The following COL3A1 variants were observed in gnomAD, a reference collection of about 807,000 sequenced individuals.
COL3A1 encodes the protein collagen type III alpha 1 chain.
In COL3A1, 46 loss-of-function variants were observed where a neutral mutation model predicts 200.9. The ratio of observed to expected loss-of-function variants is 0.23; its 90% confidence interval spans 0.18 to 0.29. The LOEUF is 0.29. Among genes scored for constraint, COL3A1 ranks in the 10% least tolerant of loss-of-function variants. COL3A1 has a pLI of 1.00. For missense variants in COL3A1, 1,367 were observed against 1,917.6 expected, an observed-to-expected ratio of 0.71 and a Z score of 5.36; for synonymous variants, 650 against 628.0, an observed-to-expected ratio of 1.03 and a Z score of -0.52.
At position 188,996,192 on chromosome 2, in the gene COL3A1, T is replaced by A. The variant is rs910613076; in HGVS notation, c.1662+14T>A. 6.2e-7 allele frequency: 1 copy of A among 1,612,238 alleles called. No homozygotes were observed. Among genetic ancestry groups the A allele is most frequent in the Non-Finnish European group, 8.5e-7 (1 of 1,178,696 alleles). On this transcript the variant is annotated intron_variant, in intron 23 of 50. Transcript: ENST00000304636. ...CCAGGGCCTCCCGTATGTACATTTT[T>A]AAAATCTCATTTTAAAAGGCCAGTT...
At chr2:188,978,132 C>G (rs1383107837) in intron 1 of COL3A1, 2 of 314,304 alleles carry the variant, frequency 6.4e-6, no homozygotes, top group South Asian at 2.6e-5. Context: ...GTTGAATACT[C>G]TTTAAGTGAT....
At chr2:188,979,633 C>T (rs1247474293) in intron 1 of COL3A1, among the ~76,000 whole-genome samples, 1 of 151,618 alleles carries the variant, frequency 6.6e-6, no homozygotes, top group East Asian at 1.9e-4. Context: ...TGGCATCTTC[C>T]TGTTTTGAGG....
intron 5 of COL3A1, among the ~76,000 whole-genome samples, chr2:188,987,428 A>G (rs1247075640): frequency 6.6e-6 from 1 of 152,088 alleles, no homozygotes; most frequent in Non-Finnish European, 1.5e-5. Context: ...GAAATATACA[A>G]ACTATTGTTT....
chr2:188,985,634 A>G, intron 3 of COL3A1, 31 bp from the exon 4 acceptor site: 12 of 1,415,672 alleles, frequency 8.5e-6, no homozygotes, highest in Non-Finnish European at 1.2e-5. Flanking sequence ...AGGATTTTTC[A>G]CTATTTAATT....
Position 188,999,363 on chromosome 2 carries a change from C to G in COL3A1, c.2101C>G (p.Pro701Ala), listed in dbSNP as rs762687549. The G allele has an allele frequency of 1.9e-5, 30 of 1,605,172 alleles. No individual in the cohort carries two copies. Among genetic ancestry groups the G allele is most frequent in the Non-Finnish European group, 2.6e-5 (30 of 1,175,658 alleles). ...APGLRGGAGP[P>A]GPEGGKGAAG... ...AGGACTTAGAGGTGGAGCTGGTCCC[C>G]CTGGTCCCGAAGGAGGAAAGGTAAC... Residue 701 changes from proline to alanine, a missense_variant, in exon 30 of 51, where the codon CCT becomes GCT. This residue lies in a region of COL3A1 where 846 missense variants were observed against 1,147.9 expected (regional missense o/e 0.74). Transcript: ENST00000304636.
intron 40 of COL3A1, among the ~76,000 whole-genome samples, chr2:189,004,675 AG>A (rs1688549652): frequency 6.6e-6 from 1 of 152,152 alleles, no homozygotes; most frequent in South Asian, 2.1e-4. Context: ...TCAGTTTTGA[AG>A]GGGGAAATAG....
intron 36 of COL3A1, 113 bp from the exon 37 acceptor site, chr2:189,003,298 T>C: frequency 1.1e-6 from 1 of 912,768 alleles, no homozygotes; most frequent in Non-Finnish European, 1.8e-6. Context: ...GCACCAGCAA[T>C]CTAAAAGTTA....
Position 189,010,308 on chromosome 2 carries a change from T to G in COL3A1, c.3954T>G (p.Asp1318Glu). 1 of 1,614,180 alleles carries G rather than the reference T, an allele frequency of 6.2e-7. No individual in the cohort carries two copies. The highest frequency in any genetic ancestry group is 8.5e-7 in the Non-Finnish European group (1 of 1,180,012). ...TTCCACGGAAACACTGGTGGACAGA[T>G]TCTAGTGCTGAGAAGAAACACGTTT... is the stretch of plus-strand genomic sequence containing the variant. ...LNVPRKHWWT[D>E]SSAEKKHVWF... is the part of the protein sequence containing the mutation. Residue 1318 changes from aspartate to glutamate, a missense_variant, in exon 49 of 51, where the codon GAT (aspartate) becomes GAG (glutamate). Coordinates refer to ENST00000304636, the MANE Select transcript of COL3A1 (RefSeq NM_000090.4).
At position 189,011,531 on chromosome 2, in the gene COL3A1, CT is replaced by C. The variant is rs1688725448; in HGVS notation, c.4255-95del. The C allele has an allele frequency of 6.4e-6, 9 of 1,401,592 alleles. No homozygotes were observed. In the Admixed American group the frequency reaches 1.5e-4, roughly 24 times the overall value. The allele number at this position is 1,401,592 out of a possible 1,614,324, so 86.8% of individuals were successfully genotyped here. A position where few individuals can be genotyped will look rare whatever the true frequency, so the allele number is the denominator to read the frequency against. On this transcript the variant is annotated intron_variant, in intron 50 of 50. Transcript: ENST00000304636. Reference sequence around the variant, plus strand: ...GAATAATAACATGGCACGATGAATGCTTCTTTAGAGTAAAAAGGTTTTCTTT... The same window carrying C: ...GAATAATAACATGGCACGATGAATGCTCTTTAGAGTAAAAAGGTTTTCTTT...
Position 188,994,750 on chromosome 2 carries a change from A to G in COL3A1, c.1374A>G (p.Pro458=). 1 of 1,613,276 alleles carries G rather than the reference A, an allele frequency of 6.2e-7. No individual in the cohort carries two copies. The highest frequency in any genetic ancestry group is 1.1e-5 in the South Asian group (1 of 91,038). Residue 458 remains proline (P), a synonymous_variant, in exon 20 of 51, where the codon CCA becomes CCG. Transcript: ENST00000304636. This position sits in a 1 kb window ranked among gnomAD's most constrained non-coding sequence, Gnocchi z 4.5. ...ERGEAGIPGV[P]GAKGEDGKDG... ...GTGAGGCTGGTATTCCAGGTGTTCC[A>G]GGAGCTAAAGGCGAAGATGGCAAGG...
At chr2:188,997,442 G>A (rs1688354632) in intron 26 of COL3A1, 53 bp downstream of exon 26, 4 of 1,538,848 alleles carry the variant, frequency 2.6e-6, no homozygotes, top group African/African-American at 1.4e-5. Context: ...GGTGGGGCAG[G>A]AAGAATGCTT....
rs1320290056 is a variant in COL3A1, at chr2:188,979,429, T to C, written c.79+4861T>C. Among the ~76,000 whole-genome samples, 3 of 151,940 alleles carry C rather than the reference T, an allele frequency of 2.0e-5. No homozygotes were observed. The East Asian group carries it at 5.8e-4, about 29-fold the overall frequency. On this transcript the variant is annotated intron_variant, in intron 1 of 50. Transcript: ENST00000304636. ...AGACATCTTAAACATATTTTTGCATTGGATGCAGAAGTCTTTTCTGTCTGG... is the reference window on the plus strand; with the variant it reads ...AGACATCTTAAACATATTTTTGCATCGGATGCAGAAGTCTTTTCTGTCTGG...
Position 188,990,072 on chromosome 2 carries a change from C to T in COL3A1, c.691-24C>T, listed in dbSNP as rs199531857. ...GTATTTTCTCATACATGAGCACCTA[C>T]GTATTCTTTATTTCTCTACCTAGGG... On this transcript the variant is annotated intron_variant, in intron 8 of 50. Coordinates refer to ENST00000304636, the MANE Select transcript of COL3A1 (RefSeq NM_000090.4). The T allele has an allele frequency of 1.2e-4, 197 of 1,608,844 alleles. 1 individual carries two copies. In the Middle Eastern group the frequency reaches 5.8e-3, roughly 47 times the overall value.
rs911481819 is a variant in COL3A1 at position 188,998,863 on chromosome 2, A to G, written c.2022+145A>G. 8 of 807,264 alleles carry G rather than the reference A, an allele frequency of 9.9e-6. No homozygotes were observed. The African/African-American group carries it at 1.2e-4, about 12-fold the overall frequency. 50.0% of individuals were successfully genotyped at this position (807,264 alleles called of 1,614,324 possible). Reference sequence around the variant, plus strand: ...TTGGTAAGTACACTTAGAGAAACTCAAGACACTTTCAATACATTAAATTTG... The same window carrying G: ...TTGGTAAGTACACTTAGAGAAACTCGAGACACTTTCAATACATTAAATTTG... On this transcript the variant is annotated intron_variant, in intron 29 of 50. Coordinates refer to ENST00000304636, the MANE Select transcript of COL3A1 (RefSeq NM_000090.4).
chr2:188,976,112 C>T (rs1467229030), intron 1 of COL3A1, among the ~76,000 whole-genome samples: 2 of 152,022 alleles, frequency 1.3e-5, no homozygotes, highest in African/African-American at 4.8e-5. Context: ...GATGCTACAA[C>T]TCACAGTCCT....
rs373163370 is a variant in COL3A1 at position 188,993,054 on chromosome 2, A to G, written c.1050+114A>G. ...TCAGTCAAATGGATAGCTTTTATCTATACATGTCTTTAAAGCCCTATTCTT... is the reference window on the plus strand; with the variant it reads ...TCAGTCAAATGGATAGCTTTTATCTGTACATGTCTTTAAAGCCCTATTCTT... On this transcript the variant is annotated intron_variant, in intron 15 of 50. Coordinates refer to ENST00000304636, the MANE Select transcript of COL3A1 (RefSeq NM_000090.4). The G allele has an allele frequency of 4.3e-5, 41 of 955,318 alleles. 1 individual carries two copies. Among genetic ancestry groups the G allele is most frequent in the East Asian group, 1.9e-4 (8 of 41,454 alleles). The allele number at this position is 955,318 out of a possible 1,614,324, so 59.2% of individuals were successfully genotyped here.
In COL3A1 at chr2:188,989,438, G is replaced by T; in HGVS notation, c.679G>T (p.Ala227Ser). 1.9e-6 allele frequency: 3 copies of T among 1,607,342 alleles called. No homozygotes were observed. The highest frequency in any genetic ancestry group is 2.5e-6 in the Non-Finnish European group (3 of 1,176,702). ...TGGTGCTATAGGTCCATCTGGTCCT[G>T]CTGGAAAAGATGTAAGTTTTTAAAA... is the stretch of plus-strand genomic sequence containing the variant. ...PPGAIGPSGPAGKDGESGRPG... is the reference protein window; with the variant it reads ...PPGAIGPSGPSGKDGESGRPG... Residue 227 changes from alanine (A) to serine (S), a missense_variant, in exon 8 of 51, where the codon GCT becomes TCT. Ala to Ser is a moderately conservative substitution (Grantham distance 99). Around this residue, in one of 5 missense-constraint regions of COL3A1, gnomAD observed 462 missense variants for 681.4 expected, o/e 0.68. Transcript: ENST00000304636.
intron 1 of COL3A1, chr2:188,978,097 T>C (rs752442083): frequency 1.2e-5 from 5 of 406,132 alleles, no homozygotes; most frequent in East Asian, 2.0e-4. Context: ...TACCTATTTA[T>C]GTATAGGCCT....
At chr2:189,004,426 A>G in intron 40 of COL3A1, 62 bp downstream of exon 40, 1 of 1,455,376 alleles carries the variant, frequency 6.9e-7, no homozygotes, top group Non-Finnish European at 9.4e-7. Flanking sequence ...AGATCACTTA[A>G]CCATATCAAG....
Sources: allele counts gnomAD v4.1 joint callset (sites outside exome capture counted in the v4.1 genomes callset), GRCh38; gene constraint gnomAD v4.1.1; regional missense constraint gnomAD v4.1.1; non-coding constraint Gnocchi (gnomAD v3.1); transcripts MANE v1.5; gene names NCBI Gene and HGNC (gene_info 2026-07-23, HGNC 2026-07-21).